The following KCNIP4 variants were observed in gnomAD, a reference collection of about 807,000 sequenced individuals.
KCNIP4 encodes the protein potassium voltage-gated channel interacting protein 4, also known as Kv channel-interacting protein 4.
A neutral mutation model predicts 34.0 loss-of-function variants in KCNIP4; 12 were observed. The ratio of observed to expected loss-of-function variants is 0.35; its 90% CI spans 0.23 to 0.57. The LOEUF (loss-of-function observed/expected upper bound fraction) is 0.57, where lower values mean the gene tolerates loss of function less well. KCNIP4 is among the 20% of genes least tolerant of loss of function. The pLI is 0.83. For synonymous variants in KCNIP4, 124 were observed against 102.2 expected, an observed-to-expected ratio of 1.21 and a Z score of -1.29; for missense variants, 238 against 311.7, an observed-to-expected ratio of 0.76 and a Z score of 1.78.
chr4:20,760,035 T>C (rs1378504555), intron 3 of KCNIP4, among the ~76,000 whole-genome samples: 2 of 152,160 alleles, frequency 1.3e-5, no homozygotes, highest in Non-Finnish European at 2.9e-5. Context: ...ATGCTGAAGC[T>C]GCAAATTCAG....
chr4:21,170,195 G>A (rs1023894525), intron 1 of KCNIP4, among the ~76,000 whole-genome samples: 8 of 152,026 alleles, frequency 5.3e-5, no homozygotes, highest in African/African-American at 1.9e-4. Flanking sequence ...GTTCTATGTG[G>A]AAATACTCAA....
intron 1 of KCNIP4, among the ~76,000 whole-genome samples, chr4:20,967,572 C>G (rs1254058844): frequency 1.3e-5 from 2 of 152,088 alleles, no homozygotes; most frequent in African/African-American, 4.8e-5. Context: ...GTACTTGTAC[C>G]AAAACACATA....
chr4:21,790,969 CAAAAAAAAAA>C (rs10560597), intron 1 of KCNIP4, among the ~76,000 whole-genome samples: 12 of 89,668 alleles, frequency 1.3e-4, no homozygotes, highest in South Asian at 6.1e-4. Context: ...GCGCACTCCA[CAAAAAAAAAA>C]AAAAAAAAAA....
chr4:21,864,178 T>C (rs1725276309), intron 1 of KCNIP4, among the ~76,000 whole-genome samples: 1 of 152,260 alleles, frequency 6.6e-6, no homozygotes, highest in African/African-American at 2.4e-5. Context: ...CACTATGAGA[T>C]GGCTAAACTG....
intron 1 of KCNIP4, chr4:20,916,243 C>T: frequency 2.5e-6 from 2 of 787,484 alleles, no homozygotes; most frequent in Non-Finnish European, 1.5e-6. Context: ...ATGATTTCTG[C>T]CCCAAAGAGC....
chr4:21,527,901 A>G (rs1023058346), intron 1 of KCNIP4, among the ~76,000 whole-genome samples: 2 of 152,028 alleles, frequency 1.3e-5, no homozygotes, highest in African/African-American at 2.4e-5. Context: ...ACCTGCTTCT[A>G]TTTATGTTTG....
chr4:21,882,365 T>C (rs1467957749), intron 1 of KCNIP4, among the ~76,000 whole-genome samples: 1 of 152,064 alleles, frequency 6.6e-6, no homozygotes, highest in Non-Finnish European at 1.5e-5. Flanking sequence ...GAACAACCAC[T>C]AAAGAAGACA....
chr4:21,854,474 T>G (rs1376858558), intron 1 of KCNIP4, among the ~76,000 whole-genome samples: 1 of 152,180 alleles, frequency 6.6e-6, no homozygotes, highest in Non-Finnish European at 1.5e-5. Flanking sequence ...TCTACATTGG[T>G]CTTCTCCCCT....
chr4:21,643,725 G>A (rs1746787068), intron 1 of KCNIP4, among the ~76,000 whole-genome samples: 1 of 152,098 alleles, frequency 6.6e-6, no homozygotes, highest in Admixed American at 6.6e-5. Flanking sequence ...CAAGGAGACT[G>A]CCTTCAAACT....
chr4:21,948,576 G>T lies in KCNIP4; in HGVS notation c.56C>A (p.Thr19Lys). 1 of 1,613,384 alleles carries T rather than the reference G, an allele frequency of 6.2e-7. No homozygotes were observed. The highest frequency in any genetic ancestry group is 8.5e-7 in the Non-Finnish European group (1 of 1,179,706). ...GCAAGCTTATTGCATCCTACCGCCTGTAGAGCTGGCCTCCTCCAGCTGAGC... is the reference window on the plus strand; with the variant it reads ...GCAAGCTTATTGCATCCTACCGCCTTTAGAGCTGGCCTCCTCCAGCTGAGC... ...ISAQLEEASS[T>K]GGFLYAQNST... The change falls in exon 1 of 9, where the codon ACA becomes AAA. Residue 19 changes from threonine to lysine, a missense_variant. Coordinates refer to ENST00000382152, the MANE Select transcript of KCNIP4 (RefSeq NM_025221.6).
intron 1 of KCNIP4, among the ~76,000 whole-genome samples, chr4:20,962,574 C>T (rs1028002030): frequency 1.3e-5 from 2 of 152,164 alleles, no homozygotes; most frequent in Admixed American, 6.5e-5. Flanking sequence ...ACAGTACTAA[C>T]ATTGGGCATG....
chr4:21,689,096 A>C (rs1245464127), intron 1 of KCNIP4, among the ~76,000 whole-genome samples: 4 of 152,126 alleles, frequency 2.6e-5, no homozygotes, highest in Non-Finnish European at 4.4e-5. Context: ...ATAGTTCAGC[A>C]GAACCACGAG....
At chr4:20,730,205 T>C in intron 8 of KCNIP4, 76 bp from the exon 9 acceptor site, 23 of 1,490,060 alleles carry the variant, frequency 1.5e-5, no homozygotes, top group Non-Finnish European at 2.1e-5. Flanking sequence ...CCCTGAGTAT[T>C]GCCTCCTCCC....
At chr4:21,550,103 T>C (rs1027773693) in intron 1 of KCNIP4, among the ~76,000 whole-genome samples, 2 of 152,130 alleles carry the variant, frequency 1.3e-5, no homozygotes, top group Admixed American at 6.6e-5. Context: ...TAGATTTGTC[T>C]GCTATGAGAA....
At chr4:21,027,057 A>G (rs1175769252) in intron 1 of KCNIP4, among the ~76,000 whole-genome samples, 1 of 152,206 alleles carries the variant, frequency 6.6e-6, no homozygotes, top group East Asian at 1.9e-4. Context: ...GTTGAGAAAA[A>G]CATATTGGGG....
intron 1 of KCNIP4, among the ~76,000 whole-genome samples, chr4:21,785,619 T>TAAATAAATAAAATAAAAA (rs1560712838): frequency 4.9e-5 from 6 of 122,536 alleles, no homozygotes; most frequent in African/African-American, 2.8e-4. Flanking sequence ...ATAAATAAAA[T>TAAATAAATAAAATAAAAA]AAAAAAATAA....
intron 1 of KCNIP4, among the ~76,000 whole-genome samples, chr4:21,775,135 G>A (rs898658038): frequency 4.6e-5 from 7 of 152,116 alleles, no homozygotes; most frequent in African/African-American, 1.7e-4. Flanking sequence ...GGTTTTCGTG[G>A]AGGCCTTTTT....
At chr4:21,669,014 C>T (rs921872150) in intron 1 of KCNIP4, among the ~76,000 whole-genome samples, 1 of 152,178 alleles carries the variant, frequency 6.6e-6, no homozygotes, top group African/African-American at 2.4e-5. Context: ...GCTTCTCCTC[C>T]TCCTCAGCCT....
At chr4:21,283,953 C>A (rs1390488702) in intron 1 of KCNIP4, among the ~76,000 whole-genome samples, 1 of 152,062 alleles carries the variant, frequency 6.6e-6, no homozygotes, top group Non-Finnish European at 1.5e-5. Context: ...GTGGCTCACA[C>A]CTGTAATCCC....
Sources: gnomAD v4.1 joint callset for allele counts (sites outside exome capture counted in the v4.1 genomes callset) on GRCh38, gnomAD v4.1.1 for gene constraint, MANE v1.5 for transcripts, NCBI Gene and HGNC (gene_info 2026-07-23, HGNC 2026-07-21) for gene names.